Variants in NXPE2 observed in about 807,000 individuals in gnomAD.
NXPE2 encodes the protein neurexophilin and PC-esterase domain family member 2.
In NXPE2, 34 loss-of-function variants were observed where a neutral mutation model predicts 34.4. The observed-to-expected ratio is 0.99, with a 90% CI of 0.75 to 1.31. The LOEUF (loss-of-function observed/expected upper bound fraction) is 1.31. Among genes scored for constraint, NXPE2 ranks in the 40% most tolerant of loss-of-function variants. The pLI is 0.00. For synonymous variants in NXPE2, 235 were observed against 231.3 expected (o/e 1.02, Z -0.15); for missense variants, 649 against 672.5 (o/e 0.97, Z 0.39).
chr11:114,628,938 C>T, the NXPE2 span, among the ~76,000 whole-genome samples: 2 of 152,098 alleles, frequency 1.3e-5, no homozygotes, highest in Non-Finnish European at 2.9e-5. Context: ...TGGATAAATT[C>T]CTCGACACAT....
the NXPE2 span, among the ~76,000 whole-genome samples, chr11:114,564,977 T>A: frequency 5.3e-5 from 8 of 152,200 alleles, no homozygotes; most frequent in Admixed American, 4.6e-4. Flanking sequence ...CATCTTTATT[T>A]TTCCAAGCAT....
the NXPE2 span, among the ~76,000 whole-genome samples, chr11:114,577,342 T>G: frequency 6.6e-6 from 1 of 151,894 alleles, no homozygotes; most frequent in East Asian, 1.9e-4. Flanking sequence ...ATGTGGGAAC[T>G]AAGCTATGAG....
At chr11:114,618,197 G>C in the NXPE2 span, among the ~76,000 whole-genome samples, 1 of 151,936 alleles carries the variant, frequency 6.6e-6, no homozygotes, top group Non-Finnish European at 1.5e-5. Flanking sequence ...ACTAAGTATT[G>C]CCTCATTGGT....
the NXPE2 span, among the ~76,000 whole-genome samples, chr11:114,570,221 G>T: frequency 6.6e-5 from 10 of 151,946 alleles, no homozygotes; most frequent in African/African-American, 2.4e-4. Flanking sequence ...GACTTTTTTG[G>T]TCTCTCCAGT....
chr11:114,466,440 G>C, the NXPE2 span, among the ~76,000 whole-genome samples: 1 of 152,110 alleles, frequency 6.6e-6, no homozygotes, highest in African/African-American at 2.4e-5. Flanking sequence ...GAGAGTGCCT[G>C]TTTCCTTGTC....
the NXPE2 span, among the ~76,000 whole-genome samples, chr11:114,664,862 A>G: frequency 6.6e-5 from 10 of 152,158 alleles, no homozygotes; most frequent in Admixed American, 6.6e-4. Flanking sequence ...AATACTCTAC[A>G]GTGTACTACT....
At chr11:114,686,254 C>T (rs1316421450) in intron 2 of NXPE2, among the ~76,000 whole-genome samples, 1 of 152,050 alleles carries the variant, frequency 6.6e-6, no homozygotes, top group Non-Finnish European at 1.5e-5. Flanking sequence ...GGTAGTTTTT[C>T]AATCCTTGCC....
At chr11:114,574,009 AC>A in the NXPE2 span, among the ~76,000 whole-genome samples, 5 of 151,980 alleles carry the variant, frequency 3.3e-5, no homozygotes, top group Non-Finnish European at 7.4e-5. Context: ...TATATCAAGT[AC>A]TCTCTCAGAC....
chr11:114,607,774 C>A, the NXPE2 span, among the ~76,000 whole-genome samples: 1 of 151,790 alleles, frequency 6.6e-6, no homozygotes, highest in South Asian at 2.1e-4. Flanking sequence ...TCTAGGGTAA[C>A]CACTGTTACA....
At chr11:114,533,430 C>G in the NXPE2 span, among the ~76,000 whole-genome samples, 1 of 152,156 alleles carries the variant, frequency 6.6e-6, no homozygotes, top group Non-Finnish European at 1.5e-5. Flanking sequence ...GAGTGCCGGA[C>G]AGTGGGTGCA....
chr11:114,784,322 A>ATT, the NXPE2 span, among the ~76,000 whole-genome samples: 1 of 151,312 alleles, frequency 6.6e-6, no homozygotes, highest in African/African-American at 2.4e-5. Context: ...CCAGCCCTGC[A>ATT]TTTTTTTTTC....
chr11:114,760,200 G>C, the NXPE2 span, among the ~76,000 whole-genome samples: 1 of 152,172 alleles, frequency 6.6e-6, no homozygotes, highest in Non-Finnish European at 1.5e-5. Context: ...TGAGGGCAGA[G>C]CCCTCATAAA....
the NXPE2 span, among the ~76,000 whole-genome samples, chr11:114,775,794 T>C: frequency 2.0e-5 from 3 of 149,860 alleles, no homozygotes; most frequent in African/African-American, 2.5e-5. Flanking sequence ...CCTCATAACA[T>C]GGCAAAGAAG....
chr11:114,490,209 A>G, the NXPE2 span, among the ~76,000 whole-genome samples: 2 of 152,226 alleles, frequency 1.3e-5, no homozygotes, highest in South Asian at 4.1e-4. Flanking sequence ...ATAAAAGAGG[A>G]TACAATCAAA....
At chr11:114,530,021 A>T in the NXPE2 span, 1 of 713,320 alleles carries the variant, frequency 1.4e-6, no homozygotes, top group Non-Finnish European at 2.3e-6. Flanking sequence ...ACTTTGGCCT[A>T]GAGTGGTGAG....
the NXPE2 span, among the ~76,000 whole-genome samples, chr11:114,598,485 C>A: frequency 3.3e-5 from 5 of 152,252 alleles, no homozygotes; most frequent in Admixed American, 1.3e-4. Context: ...GAGGGTTCCA[C>A]TCCTGCAGCA....
At chr11:114,631,936 A>G in the NXPE2 span, among the ~76,000 whole-genome samples, 1 of 150,968 alleles carries the variant, frequency 6.6e-6, no homozygotes, top group East Asian at 1.9e-4. Context: ...TGGATAATAA[A>G]TATTGCCTTG....
At chr11:114,691,577 A>AG (rs35303414) in intron 2 of NXPE2, among the ~76,000 whole-genome samples, 40,249 of 151,990 alleles carry the variant, frequency 0.26, 5,482 homozygotes, top group East Asian at 0.42. Flanking sequence ...ACACTGGAGA[A>AG]GCTGTCTCTT....
At chr11:114,631,861 C>T in the NXPE2 span, among the ~76,000 whole-genome samples, 16 of 150,902 alleles carry the variant, frequency 1.1e-4, no homozygotes, top group East Asian at 2.7e-3. Context: ...AGTATTGTGT[C>T]GTGGGTAACC....
Sources: allele counts gnomAD v4.1 joint callset (sites outside exome capture counted in the v4.1 genomes callset), GRCh38; gene constraint gnomAD v4.1.1; transcripts MANE v1.5; gene names NCBI Gene and HGNC (gene_info 2026-07-23, HGNC 2026-07-21).